The following ARHGAP22 variants were observed in gnomAD, a reference collection of about 807,000 sequenced individuals.
ARHGAP22 encodes the protein Rho GTPase activating protein 22, also known as rho GTPase-activating protein 22.
A neutral mutation model predicts 59.1 loss-of-function variants in ARHGAP22; 48 were observed. The observed-to-expected ratio is 0.81, with a 90% CI of 0.64 to 1.03. The LOEUF (loss-of-function observed/expected upper bound fraction) is 1.03, where lower values mean the gene tolerates loss of function less well. Ranked by LOEUF, ARHGAP22 falls within the 50% of genes least tolerant of loss-of-function variation. ARHGAP22 has a pLI of 0.00. For missense variants in ARHGAP22, 1,015 were observed against 958.7 expected (o/e 1.06, Z -0.78); for synonymous variants, 445 against 416.4 (o/e 1.07, Z -0.84).
At chr10:48,507,902 G>C (rs1015101721) in intron 3 of ARHGAP22, among the ~76,000 whole-genome samples, 1 of 148,864 alleles carries the variant, frequency 6.7e-6, no homozygotes, top group East Asian at 2.0e-4. Flanking sequence ...AAATACTGGG[G>C]GGTGGGGGTG....
chr10:48,489,915 A>G (rs1399655039), intron 3 of ARHGAP22, among the ~76,000 whole-genome samples: 1 of 151,924 alleles, frequency 6.6e-6, no homozygotes, highest in Non-Finnish European at 1.5e-5. Flanking sequence ...TTGTATTTTT[A>G]GTAGAGATGG....
chr10:48,446,419 C>CCAA lies in ARHGAP22; in HGVS notation c.2066_2068dup (p.Val689dup). ...CTTTGGGGCCCTGGCACCTTTTGCC[C>CCAA]CAACAGTCAAGCTTCCTAGGGTCGA... On this transcript the variant is annotated inframe_insertion, in exon 10 of 10. Transcript: ENST00000249601. 2 of 1,614,118 alleles carry CCAA rather than the reference C, an allele frequency of 1.2e-6. No homozygotes were observed. The highest frequency in any genetic ancestry group is 8.5e-7 in the Non-Finnish European group (1 of 1,180,010).
chr10:48,462,667 G>A (rs1376709393), intron 4 of ARHGAP22, among the ~76,000 whole-genome samples: 5 of 152,258 alleles, frequency 3.3e-5, no homozygotes, highest in Non-Finnish European at 5.9e-5. Context: ...ACAACAGGCA[G>A]AGGTTGCAAT....
At chr10:48,610,172 C>T (rs1346847531) in intron 1 of ARHGAP22, among the ~76,000 whole-genome samples, 1 of 152,216 alleles carries the variant, frequency 6.6e-6, no homozygotes, top group Non-Finnish European at 1.5e-5. Flanking sequence ...TTTGCCCACA[C>T]CCTGCAGTCC....
intron 3 of ARHGAP22, among the ~76,000 whole-genome samples, chr10:48,520,360 A>G (rs1239482826): frequency 2.0e-5 from 3 of 152,228 alleles, no homozygotes; most frequent in African/African-American, 7.2e-5. Context: ...TCAGGGAGCC[A>G]CAGTCCTCAG....
intron 1 of ARHGAP22, among the ~76,000 whole-genome samples, chr10:48,590,266 G>A (rs767170663): frequency 3.9e-5 from 6 of 152,050 alleles, no homozygotes; most frequent in Non-Finnish European, 8.8e-5. Context: ...GACCCGAGCC[G>A]GTTTAAGTGC....
chr10:48,587,637 T>C (rs1311034440), intron 1 of ARHGAP22, among the ~76,000 whole-genome samples: 2 of 152,240 alleles, frequency 1.3e-5, no homozygotes, highest in African/African-American at 4.8e-5. Flanking sequence ...TCAAGGGCTA[T>C]GGAGAACATT....
At chr10:48,459,615 G>A in intron 5 of ARHGAP22, 69 bp downstream of exon 5, 1 of 1,552,492 alleles carries the variant, frequency 6.4e-7, no homozygotes, top group East Asian at 2.2e-5. Context: ...TGGAGCTGGT[G>A]TCCTGGGCAG....
At chr10:48,496,560 G>A (rs1468902329) in intron 3 of ARHGAP22, among the ~76,000 whole-genome samples, 1 of 152,126 alleles carries the variant, frequency 6.6e-6, no homozygotes, top group Non-Finnish European at 1.5e-5. Flanking sequence ...GCTGCCTCCA[G>A]GGCTGCCTGT....
At chr10:48,591,085 C>T (rs2059722329) in intron 1 of ARHGAP22, among the ~76,000 whole-genome samples, 1 of 152,186 alleles carries the variant, frequency 6.6e-6, no homozygotes, top group Admixed American at 6.5e-5. Flanking sequence ...ACTATGGACA[C>T]TACAGTTCTG....
intron 7 of ARHGAP22, 115 bp downstream of exon 7, chr10:48,453,973 T>G (rs1589439013): frequency 2.8e-6 from 3 of 1,073,990 alleles, no homozygotes. Flanking sequence ...CTGTGCAGGG[T>G]GGGGAATGAC....
At position 48,530,425 on chromosome 10, in the gene ARHGAP22, A is replaced by T. The variant is rs1306178672; in HGVS notation, c.322+25038T>A. 2.0e-5 allele frequency among the ~76,000 whole-genome samples: 3 copies of T among 152,162 alleles called. No homozygotes were observed. The East Asian group carries it at 5.8e-4, about 29-fold the overall frequency. On this transcript the variant is annotated intron_variant, in intron 3 of 9. Transcript: ENST00000249601. ...AAACAAAGATAAATAGATGGGACTT[A>T]ATTAAACTAAAATGCTTCTGTATAG...
At chr10:48,497,843 G>A (rs1373635780) in intron 3 of ARHGAP22, among the ~76,000 whole-genome samples, 1 of 152,188 alleles carries the variant, frequency 6.6e-6, no homozygotes, top group Non-Finnish European at 1.5e-5. Flanking sequence ...GCACTGCAGT[G>A]GGCCCTGGGC....
chr10:48,472,453 G>A (rs2048320836), intron 4 of ARHGAP22, among the ~76,000 whole-genome samples: 1 of 152,154 alleles, frequency 6.6e-6, no homozygotes, highest in Non-Finnish European at 1.5e-5. Context: ...GAACCTAAGA[G>A]GCAGAGGTTG....
chr10:48,496,289 A>T (rs1310807622), intron 3 of ARHGAP22, among the ~76,000 whole-genome samples: 1 of 152,120 alleles, frequency 6.6e-6, no homozygotes, highest in Non-Finnish European at 1.5e-5. Flanking sequence ...GAGGATATAC[A>T]ATCCTCACAT....
chr10:48,501,740 C>CA (rs34893410), intron 3 of ARHGAP22, among the ~76,000 whole-genome samples: 34,345 of 138,934 alleles, frequency 0.25, 6,870 homozygotes, highest in East Asian at 0.59. Flanking sequence ...TATGTACATC[C>CA]AAAAAAAAAA....
chr10:48,442,085 C>T (rs2045216132), downstream of ARHGAP22, among the ~76,000 whole-genome samples: 1 of 152,196 alleles, frequency 6.6e-6, no homozygotes, highest in Non-Finnish European at 1.5e-5. Flanking sequence ...ATTCATGGCC[C>T]TCAAAGTGTG....
chr10:48,611,781 C>T (rs2060893840), intron 1 of ARHGAP22, among the ~76,000 whole-genome samples: 1 of 150,996 alleles, frequency 6.6e-6, no homozygotes, highest in African/African-American at 2.4e-5. Context: ...TAACTTCCTC[C>T]TGCTCCTTTC....
intron 3 of ARHGAP22, among the ~76,000 whole-genome samples, chr10:48,522,456 C>T (rs1245201810): frequency 6.6e-6 from 1 of 152,248 alleles, no homozygotes; most frequent in Non-Finnish European, 1.5e-5. Flanking sequence ...CCCTGGCTCT[C>T]TTCTGAGGCT....
Sources: gnomAD v4.1 joint callset for allele counts (sites outside exome capture counted in the v4.1 genomes callset) on GRCh38, gnomAD v4.1.1 for gene constraint, MANE v1.5 for transcripts, NCBI Gene and HGNC (gene_info 2026-07-23, HGNC 2026-07-21) for gene names.